Variants in HIVEP1 observed in about 807,000 individuals in gnomAD.
HIVEP1 encodes HIVEP zinc finger 1.
A neutral mutation model predicts 180.0 loss-of-function variants in HIVEP1; 36 were observed. The observed-to-expected ratio is 0.20, with a 90% CI of 0.15 to 0.26. The LOEUF (loss-of-function observed/expected upper bound fraction) is 0.26, where lower values mean the gene tolerates loss of function less well. Among genes scored for constraint, HIVEP1 ranks in the 10% least tolerant of loss-of-function variants. The pLI, the probability that HIVEP1 is intolerant of heterozygous loss-of-function variation, is 1.00. For missense variants in HIVEP1, 3,143 were observed against 3,268.7 expected (o/e 0.96, Z 0.94); for synonymous variants, 1,239 against 1,239.0 (o/e 1.00, Z 0.00).
chr6:12,017,639 G>C (rs1183270264), intron 2 of HIVEP1, among the ~76,000 whole-genome samples: 2 of 139,726 alleles, frequency 1.4e-5, no homozygotes, highest in Non-Finnish European at 3.3e-5. Flanking sequence ...GTTTTACAGA[G>C]AGCTGATTGG....
At chr6:12,133,410 C>G (rs1177565184) in intron 6 of HIVEP1, among the ~76,000 whole-genome samples, 2 of 152,030 alleles carry the variant, frequency 1.3e-5, no homozygotes, top group South Asian at 2.1e-4. Context: ...TTTATTAAAT[C>G]TATCAGAAAA....
At position 12,164,872 on chromosome 6, in the gene HIVEP1, ATATT is replaced by A. The variant is rs1760653299; in HGVS notation, c.*416_*419del. ...GTGTATAAATTAGTATGTAAACTCCATATTTATTGTATTCATATTAGTCTTTGAA... is the reference window on the plus strand; with the variant it reads ...GTGTATAAATTAGTATGTAAACTCCATATTGTATTCATATTAGTCTTTGAA... On this transcript the variant is annotated 3_prime_UTR_variant, in exon 9 of 9. Coordinates refer to ENST00000379388, the MANE Select transcript of HIVEP1 (RefSeq NM_002114.4). 5.1e-6 allele frequency: 1 copy of A among 196,128 alleles called. No homozygotes were observed. Among genetic ancestry groups the A allele is most frequent in the African/African-American group, 2.4e-5 (1 of 41,850 alleles). The allele number at this position is 196,128 out of a possible 1,614,324, so 12.1% of individuals were successfully genotyped here.
intron 2 of HIVEP1, among the ~76,000 whole-genome samples, chr6:12,041,943 G>A (rs1461835221): frequency 1.3e-5 from 2 of 151,750 alleles, no homozygotes; most frequent in African/African-American, 4.9e-5. Flanking sequence ...ATAGGTGTGA[G>A]TCACCGTGCC....
rs1330520817 is a variant in HIVEP1 at position 12,063,517 on chromosome 6, C to T, written c.41-25667C>T. On this transcript the variant is annotated intron_variant, in intron 2 of 8. Transcript: ENST00000379388. The surrounding 1 kb of genome is among the most constrained non-coding windows in gnomAD (Gnocchi z 4.2). Reference sequence around the variant, plus strand: ...TGGCTCATGTTGGCAGGTGTGGCTGCACGTGGAAGGTGGGTTGGAAGGCAG... The same window carrying T: ...TGGCTCATGTTGGCAGGTGTGGCTGTACGTGGAAGGTGGGTTGGAAGGCAG... Among the ~76,000 whole-genome samples, 2 of 152,026 alleles carry T rather than the reference C, an allele frequency of 1.3e-5. No individual in the cohort carries two copies. Among genetic ancestry groups the T allele is most frequent in the East Asian group, 1.9e-4 (1 of 5,176 alleles).
intron 3 of HIVEP1, among the ~76,000 whole-genome samples, chr6:12,097,734 A>G (rs1773860470): frequency 6.6e-6 from 1 of 152,122 alleles, no homozygotes; most frequent in African/African-American, 2.4e-5. Context: ...CCAAGAGATC[A>G]TTGCCTTTCA....
intron 2 of HIVEP1, among the ~76,000 whole-genome samples, chr6:12,068,545 T>G (rs928993926): frequency 6.6e-6 from 1 of 152,164 alleles, no homozygotes; most frequent in Non-Finnish European, 1.5e-5. Flanking sequence ...TCAAATAAAT[T>G]GGAAGTATGG....
chr6:12,158,219 ATTGT>A (rs1331203461), intron 7 of HIVEP1, among the ~76,000 whole-genome samples: 6 of 152,252 alleles, frequency 3.9e-5, no homozygotes, highest in Admixed American at 1.3e-4. Context: ...ACCCATGGAA[ATTGT>A]TTGTATCCTA....
chr6:12,040,016 G>T (rs527989829), intron 2 of HIVEP1, among the ~76,000 whole-genome samples: 2 of 152,286 alleles, frequency 1.3e-5, no homozygotes, highest in South Asian at 2.1e-4. Flanking sequence ...GATGCTGGGC[G>T]GTCGAGGGGA....
intron 7 of HIVEP1, among the ~76,000 whole-genome samples, chr6:12,154,471 A>T (rs1759899600): frequency 6.6e-6 from 1 of 152,180 alleles, no homozygotes; most frequent in Admixed American, 6.5e-5. Flanking sequence ...CGTCTGTCTC[A>T]GCTTGCATTC....
At chr6:12,116,528 G>A (rs1402327553) in intron 3 of HIVEP1, among the ~76,000 whole-genome samples, 1 of 151,502 alleles carries the variant, frequency 6.6e-6, no homozygotes, top group Non-Finnish European at 1.5e-5. Flanking sequence ...CCCTCCACTA[G>A]CCTCTCCCCT....
chr6:12,175,219 A>G, the HIVEP1 span, among the ~76,000 whole-genome samples: 1 of 152,214 alleles, frequency 6.6e-6, no homozygotes, highest in Non-Finnish European at 1.5e-5. Context: ...TTACTGTTAA[A>G]TAGTGCTGGT....
intron 3 of HIVEP1, among the ~76,000 whole-genome samples, chr6:12,104,835 G>T (rs1272924768): frequency 6.6e-6 from 1 of 152,016 alleles, no homozygotes; most frequent in East Asian, 1.9e-4. Flanking sequence ...TTTCAAATAT[G>T]CTGTGTCTCT....
At chr6:12,022,616 G>A (rs1253217505) in intron 2 of HIVEP1, among the ~76,000 whole-genome samples, 2 of 152,134 alleles carry the variant, frequency 1.3e-5, no homozygotes, top group African/African-American at 4.8e-5. Context: ...GAGATGATAT[G>A]GCAAATGTAA....
chr6:12,106,248 C>G (rs1718614302), intron 3 of HIVEP1, among the ~76,000 whole-genome samples: 1 of 151,832 alleles, frequency 6.6e-6, no homozygotes, highest in South Asian at 2.1e-4. Context: ...ATTATTTTCT[C>G]AAATGGAGAT....
chr6:12,164,218 T>C lies in HIVEP1; in HGVS notation c.7914T>C (p.Ala2638=). 3.1e-6 allele frequency: 5 copies of C among 1,614,156 alleles called. No homozygotes were observed. Among genetic ancestry groups the C allele is most frequent in the Non-Finnish European group, 4.2e-6 (5 of 1,180,026 alleles). The part of the protein sequence containing the change: ...DGLSKMDTEK[A]ASANHVKPKP... ...TGAGTAAAATGGACACAGAGAAGGC[T>C]GCCTCGGCAAATCACGTGAAGCCCA... The change falls in exon 9 of 9, where the codon GCT becomes GCC. Residue 2638 remains alanine, a synonymous_variant. Transcript: ENST00000379388.
intron 2 of HIVEP1, among the ~76,000 whole-genome samples, 165 bp downstream of exon 2, chr6:12,015,833 A>G (rs1460365887): frequency 1.3e-5 from 2 of 152,206 alleles, no homozygotes; most frequent in African/African-American, 4.8e-5. Context: ...GTCTCTCAGG[A>G]GATACTTAAT....
intron 4 of HIVEP1, among the ~76,000 whole-genome samples, chr6:12,127,504 G>A (rs1758158303): frequency 6.6e-6 from 1 of 152,206 alleles, no homozygotes; most frequent in African/African-American, 2.4e-5. Context: ...CAAATGCCTT[G>A]GAAGAAATGT....
chr6:12,014,838 A>T (rs1480476308), intron 1 of HIVEP1, among the ~76,000 whole-genome samples: 1 of 152,240 alleles, frequency 6.6e-6, no homozygotes, highest in Admixed American at 6.5e-5. Context: ...GCAAACAAAA[A>T]GGTGTTTCTG....
upstream of HIVEP1, among the ~76,000 whole-genome samples, chr6:12,011,756 C>T (rs1767326650): frequency 6.7e-6 from 1 of 148,760 alleles, no homozygotes; most frequent in Non-Finnish European, 1.5e-5. Context: ...GGGCGCCCAT[C>T]CAGTCCCTAC....
Sources: gnomAD v4.1 joint callset for allele counts (sites outside exome capture counted in the v4.1 genomes callset) on GRCh38, gnomAD v4.1.1 for gene constraint, Gnocchi (gnomAD v3.1) non-coding constraint, MANE v1.5 for transcripts, NCBI Gene and HGNC (gene_info 2026-07-23, HGNC 2026-07-21) for gene names.